NAV3: variants seen among roughly 807,000 people sequenced by gnomAD.
NAV3 encodes the protein neuron navigator 3.
In NAV3, 87 loss-of-function variants were observed where a neutral mutation model predicts 244.7. The observed-to-expected ratio is 0.36, with a 90% CI of 0.30 to 0.42. The LOEUF is 0.42. Ranked by LOEUF, NAV3 falls within the 20% of genes least tolerant of loss-of-function variation. The pLI is 1.00. For synonymous variants in NAV3, 1,126 were observed against 1,042.2 expected (o/e 1.08, Z -1.55); for missense variants, 2,663 against 2,893.3 (o/e 0.92, Z 1.83).
At position 78,050,082 on chromosome 12, in the gene NAV3, G is replaced by A. The variant is rs2137228741; in HGVS notation, c.2113G>A (p.Gly705Arg). The A allele has an allele frequency of 6.2e-7, 1 of 1,610,500 alleles. No individual in the cohort carries two copies. Among genetic ancestry groups the A allele is most frequent in the Non-Finnish European group, 8.5e-7 (1 of 1,178,898 alleles). Residue 705 changes from glycine to arginine, a missense_variant, in exon 10 of 40, where the codon GGG (glycine) becomes AGG (arginine). Gly to Arg is a moderately radical substitution (Grantham distance 125, BLOSUM62 -2). This residue lies in a region of NAV3 where 1,521 missense variants were observed against 1,497.0 expected (regional missense o/e 1.02). Transcript: ENST00000397909. ...NLEETMSSLR[G>R]TQISHSTLET... is the part of the protein sequence containing the mutation. ...AGAAGAGACTATGTCCAGTCTTCGT[G>A]GGACTCAGATAAGCCACAGGTTTTT... is the stretch of plus-strand genomic sequence containing the variant.
Position 77,998,349 on chromosome 12 carries a change from C to T in NAV3, c.753C>T (p.Pro251=), listed in dbSNP as rs772635192. 1 of 1,588,134 alleles carries T rather than the reference C, an allele frequency of 6.3e-7. No individual in the cohort carries two copies. Among genetic ancestry groups the T allele is most frequent in the African/African-American group, 1.4e-5 (1 of 73,218 alleles). The part of the protein sequence containing the change: ...SQKKPTRLPG[P]SRVPAAGSSS... Reference sequence around the variant, plus strand: ...TATACTATTTCAGGCTTCCAGGGCCCTCTAGGGTGCCTGCTGCAGGAAGCA... The same window carrying T: ...TATACTATTTCAGGCTTCCAGGGCCTTCTAGGGTGCCTGCTGCAGGAAGCA... The change falls in exon 7 of 40, where the codon CCC becomes CCT. Residue 251 remains proline (P), a synonymous_variant. Coordinates refer to ENST00000397909, the MANE Select transcript of NAV3 (RefSeq NM_001024383.2).
intron 2 of NAV3, among the ~76,000 whole-genome samples, chr12:77,735,234 G>A (rs1350399252): frequency 6.6e-6 from 1 of 152,112 alleles, no homozygotes; most frequent in Non-Finnish European, 1.5e-5. Flanking sequence ...TATTGAAAAT[G>A]AGTCCACTGA....
chr12:77,828,039 G>A (rs774695206), upstream of NAV3, among the ~76,000 whole-genome samples: 3 of 152,158 alleles, frequency 2.0e-5, no homozygotes, highest in Non-Finnish European at 2.9e-5. Flanking sequence ...GTTTCAACAT[G>A]AGTTTTGCAT....
At chr12:77,880,789 A>G (rs2136604089) in intron 1 of NAV3, among the ~76,000 whole-genome samples, 1 of 152,260 alleles carries the variant, frequency 6.6e-6, no homozygotes, top group Middle Eastern at 3.4e-3. Flanking sequence ...CTAACATAAG[A>G]ACGATAGCAC....
intron 2 of NAV3, among the ~76,000 whole-genome samples, chr12:77,574,954 C>T (rs1459812615): frequency 1.3e-5 from 2 of 151,336 alleles, no homozygotes; most frequent in South Asian, 4.2e-4. Context: ...AAGATAGTAT[C>T]TTCCTACAAC....
At chr12:77,586,686 A>G (rs1032683655) in intron 2 of NAV3, among the ~76,000 whole-genome samples, 6 of 152,236 alleles carry the variant, frequency 3.9e-5, no homozygotes, top group African/African-American at 1.4e-4. Context: ...TGACTGATAC[A>G]GTATCCACTC....
rs184233298 is a variant in NAV3, at chr12:77,931,317, T to G, written c.244-9002T>G. Reference sequence around the variant, plus strand: ...ATATGTGTGTGTATTTGTGTGTGTGTGGGTGTAAGTGTGCATGTGTGCATA... The same window carrying G: ...ATATGTGTGTGTATTTGTGTGTGTGGGGGTGTAAGTGTGCATGTGTGCATA... On this transcript the variant is annotated intron_variant, in intron 1 of 39. Coordinates refer to ENST00000397909, the MANE Select transcript of NAV3 (RefSeq NM_001024383.2). Among the ~76,000 whole-genome samples, 544 of 152,206 alleles carry G rather than the reference T, an allele frequency of 3.6e-3. 6 individuals are homozygous for G. Among genetic ancestry groups the G allele is most frequent in the African/African-American group, 0.012 (510 of 41,526 alleles).
chr12:77,962,587 C>T (rs1346768078), intron 3 of NAV3, among the ~76,000 whole-genome samples: 1 of 152,120 alleles, frequency 6.6e-6, no homozygotes, highest in East Asian at 1.9e-4. Flanking sequence ...TCTTCACTAA[C>T]CTTGTTGCTA....
At chr12:77,932,136 G>A (rs1290042828) in intron 1 of NAV3, among the ~76,000 whole-genome samples, 1 of 152,014 alleles carries the variant, frequency 6.6e-6, no homozygotes, top group Non-Finnish European at 1.5e-5. Context: ...GAGGGTGCCA[G>A]GGAAGCAAAA....
chr12:77,779,964 A>T (rs1000616941), intron 2 of NAV3, among the ~76,000 whole-genome samples: 1 of 152,238 alleles, frequency 6.6e-6, no homozygotes, highest in East Asian at 1.9e-4. Flanking sequence ...TCCCATTACG[A>T]CATGCCCGCT....
At chr12:78,017,642 T>C (rs80215823) in intron 8 of NAV3, among the ~76,000 whole-genome samples, 1,783 of 152,260 alleles carry the variant, frequency 0.012, 28 homozygotes, top group South Asian at 0.051. Flanking sequence ...ATTATCAGTT[T>C]ATGGGGAAAC....
chr12:77,784,579 G>T lies in NAV3; in HGVS notation c.73-155740G>T, dbSNP rs183156013. ...TCTATTGGGACACTTCACTGGCTTG[G>T]ACAGAGAAGAAGGATAGTTCTTCAC... is the stretch of plus-strand genomic sequence containing the variant. On this transcript the variant is annotated intron_variant, in intron 2 of 8. Coordinates refer to the NAV3 transcript ENST00000550042. Among the ~76,000 whole-genome samples the T allele has an allele frequency of 7.6e-4, 115 of 152,260 alleles. 1 individual carries two copies. The highest frequency in any genetic ancestry group is 2.7e-3 in the African/African-American group (112 of 41,560).
intron 23 of NAV3, among the ~76,000 whole-genome samples, chr12:78,165,419 GT>G (rs201199123): frequency 0.047 from 7,176 of 151,574 alleles, 196 homozygotes; most frequent in Non-Finnish European, 0.072. Flanking sequence ...ACATTTTTCA[GT>G]TTTTTTTCTA....
chr12:77,648,355 TCTTGGTTGGAGA>T lies in NAV3; in HGVS notation c.72+76093_72+76104del, dbSNP rs201446370. On this transcript the variant is annotated intron_variant, in intron 2 of 8. Coordinates refer to the NAV3 transcript ENST00000550042. ...CTTAATTTTGCTTAATTAGTTGGGC[TCTTGGTTGGAGA>T]CTTTAAGTCATGTATGGTGTTTTAT... Among the ~76,000 whole-genome samples, 1,004 of 152,174 alleles carry T rather than the reference TCTTGGTTGGAGA, an allele frequency of 6.6e-3. 10 individuals are homozygous for T. The highest frequency in any genetic ancestry group is 0.023 in the African/African-American group (967 of 41,542).
intron 1 of NAV3, among the ~76,000 whole-genome samples, chr12:77,904,388 G>C (rs199789839): frequency 1.3e-5 from 2 of 151,840 alleles, no homozygotes; most frequent in South Asian, 4.2e-4. Flanking sequence ...GCAAACTATC[G>C]CAAGGACAAA....
At chr12:77,719,751 T>C (rs1001493661) in intron 2 of NAV3, among the ~76,000 whole-genome samples, 2 of 152,160 alleles carry the variant, frequency 1.3e-5, no homozygotes, top group Non-Finnish European at 2.9e-5. Context: ...TGACCTGTAG[T>C]ATTCTTTTCT....
chr12:77,875,861 CA>C (rs1414568343), intron 1 of NAV3, among the ~76,000 whole-genome samples: 1 of 151,950 alleles, frequency 6.6e-6, no homozygotes, highest in Non-Finnish European at 1.5e-5. Context: ...TATCAATAGG[CA>C]ATACTTAAGA....
At chr12:78,073,055 C>T (rs1240159826) in intron 12 of NAV3, among the ~76,000 whole-genome samples, 12 of 134,716 alleles carry the variant, frequency 8.9e-5, no homozygotes, top group Non-Finnish European at 1.3e-4. Flanking sequence ...TAAGAGCTAT[C>T]TATGACAAAC....
intron 5 of NAV3, among the ~76,000 whole-genome samples, chr12:77,992,295 G>T (rs539541302): frequency 3.9e-5 from 6 of 152,250 alleles, no homozygotes; most frequent in South Asian, 4.1e-4. Context: ...AGTATTCAAG[G>T]CTTGAGTTAG....
Sources: allele counts gnomAD v4.1 joint callset (sites outside exome capture counted in the v4.1 genomes callset), GRCh38; gene constraint gnomAD v4.1.1; regional missense constraint gnomAD v4.1.1; transcripts MANE v1.5; gene names NCBI Gene and HGNC (gene_info 2026-07-23, HGNC 2026-07-21).